Variants in ADRA1B observed in about 807,000 individuals in gnomAD.
ADRA1B encodes adrenoceptor alpha 1B.
A neutral mutation model predicts 17.9 loss-of-function variants in ADRA1B; 17 were observed. The ratio of observed to expected loss-of-function variants is 0.95; its 90% confidence interval spans 0.65 to 1.42. The LOEUF is 1.42. ADRA1B is among the 40% of genes most tolerant of loss of function. ADRA1B has a pLI of 0.00. For synonymous variants in ADRA1B, 366 were observed against 327.6 expected (o/e 1.12, Z -1.27); for missense variants, 681 against 722.1 (o/e 0.94, Z 0.65).
In ADRA1B at chr5:159,917,988, T is replaced by A. The variant is rs142824558; in HGVS notation, c.949+134T>A. ...GTGTTCGGAGATTGAATAATATTGT[T>A]TGTTCTGCAAAGGGTTTGCAGATTG... is the stretch of plus-strand genomic sequence containing the variant. On this transcript the variant is annotated intron_variant, in intron 1 of 1. Transcript: ENST00000306675. The A allele has an allele frequency of 2.6e-3, 2,226 of 858,700 alleles. 10 individuals are homozygous for A. The highest frequency in any genetic ancestry group is 3.0e-3 in the Non-Finnish European group (1,671 of 553,988). 53.2% of individuals were successfully genotyped at this position (858,700 alleles called of 1,614,324 possible). A position where few individuals can be genotyped will look rare whatever the true frequency, so the allele number is the denominator to read the frequency against.
At chr5:159,946,036 C>T (rs55730478) in intron 1 of ADRA1B, among the ~76,000 whole-genome samples, 17,506 of 152,150 alleles carry the variant, frequency 0.12, 1,270 homozygotes, top group Non-Finnish European at 0.15. Flanking sequence ...CGTGAGCCAC[C>T]GCGCCCAGCC....
At chr5:159,901,504 A>G (rs1303857762) in intron 1 of ADRA1B, among the ~76,000 whole-genome samples, 1 of 151,944 alleles carries the variant, frequency 6.6e-6, no homozygotes, top group African/African-American at 2.4e-5. Context: ...TGAACCTGTT[A>G]TAAGTTATAA....
intron 1 of ADRA1B, among the ~76,000 whole-genome samples, chr5:159,945,411 AT>A (rs767324801): frequency 2.0e-5 from 3 of 152,202 alleles, no homozygotes; most frequent in Non-Finnish European, 2.9e-5. Flanking sequence ...GCTCGTTGAG[AT>A]CATGGGCTGA....
At chr5:159,873,701 G>A (rs962192446) in intron 1 of ADRA1B, among the ~76,000 whole-genome samples, 1 of 152,144 alleles carries the variant, frequency 6.6e-6, no homozygotes. Flanking sequence ...GTGGCAACAG[G>A]AGTGAAAGCC....
At chr5:159,902,566 C>T in intron 1 of ADRA1B, among the ~76,000 whole-genome samples, 1 of 152,196 alleles carries the variant, frequency 6.6e-6, no homozygotes, top group Non-Finnish European at 1.5e-5. Context: ...GACATGCTAA[C>T]TCCTGGGGCC....
chr5:159,951,162 C>T, intron 1 of ADRA1B: 1 of 751,556 alleles, frequency 1.3e-6, no homozygotes, highest in Non-Finnish European at 2.4e-6. Flanking sequence ...GTAGCTCCTC[C>T]CTGCAAGTCA....
intron 1 of ADRA1B, among the ~76,000 whole-genome samples, chr5:159,948,951 T>C (rs906552639): frequency 1.3e-5 from 2 of 152,204 alleles, no homozygotes; most frequent in Non-Finnish European, 1.5e-5. Flanking sequence ...CTCCATTTTA[T>C]AGATGAGGGA....
At chr5:159,961,375 G>A (rs1755661787) in intron 1 of ADRA1B, among the ~76,000 whole-genome samples, 1 of 152,118 alleles carries the variant, frequency 6.6e-6, no homozygotes, top group South Asian at 2.1e-4. Flanking sequence ...ATTGTTTTCA[G>A]CATTTGTTTT....
Position 159,972,326 on chromosome 5 carries a change from G to A in ADRA1B, c.1397G>A (p.Gly466Asp), listed in dbSNP as rs548580887. ...LPAPEPPGRR[G>D]RHDSGPLFTF... Reference sequence around the variant, plus strand: ...GCGCCTGAGCCCCCCGGCCGCCGCGGCCGCCACGACTCGGGCCCGCTCTTC... The same window carrying A: ...GCGCCTGAGCCCCCCGGCCGCCGCGACCGCCACGACTCGGGCCCGCTCTTC... The change falls in exon 2 of 2, where the codon GGC (glycine) becomes GAC (aspartate). Residue 466 changes from glycine (G) to aspartate (D), a missense_variant. Coordinates refer to ENST00000306675, the MANE Select transcript of ADRA1B (RefSeq NM_000679.4). 777 of 1,438,880 alleles carry A rather than the reference G, an allele frequency of 5.4e-4. 1 individual carries two copies. Among genetic ancestry groups the A allele is most frequent in the Non-Finnish European group, 6.3e-4 (690 of 1,101,450 alleles). The allele number at this position is 1,438,880 out of a possible 1,614,324, so 89.1% of individuals were successfully genotyped here.
intron 1 of ADRA1B, among the ~76,000 whole-genome samples, chr5:159,885,367 G>A (rs1390057166): frequency 1.3e-5 from 2 of 152,074 alleles, no homozygotes; most frequent in Non-Finnish European, 2.9e-5. Flanking sequence ...CCAACTCCAG[G>A]GTGAGTTCTA....
the ADRA1B span, among the ~76,000 whole-genome samples, chr5:159,985,013 C>T: frequency 6.6e-6 from 1 of 152,162 alleles, no homozygotes; most frequent in South Asian, 2.1e-4. Flanking sequence ...CTGCCCCTCT[C>T]TGATTGCTCT....
chr5:159,971,853 C>CGGGGGGGGGGGGGGG, intron 1 of ADRA1B, 26 bp from the exon 2 acceptor site: 24 of 1,305,836 alleles, frequency 1.8e-5, no homozygotes, highest in Non-Finnish European at 2.0e-5. Flanking sequence ...TCTTTCTGCC[C>CGGGGGGGGGGGGGGG]GTGCCCACCC....
chr5:159,950,998 A>G (rs1421112625), intron 1 of ADRA1B: 6 of 649,772 alleles, frequency 9.2e-6, no homozygotes, highest in Admixed American at 5.6e-5. Context: ...CCACAATACC[A>G]AAGTTGTCAT....
At chr5:159,885,436 C>T (rs1753912943) in intron 1 of ADRA1B, among the ~76,000 whole-genome samples, 1 of 152,058 alleles carries the variant, frequency 6.6e-6, no homozygotes, top group Non-Finnish European at 1.5e-5. Context: ...CAATTCTGGC[C>T]AATGAGACAT....
At chr5:159,948,249 G>C (rs1446453915) in intron 1 of ADRA1B, 6 of 985,322 alleles carry the variant, frequency 6.1e-6, no homozygotes, top group Non-Finnish European at 6.0e-6. Flanking sequence ...TTTTGTGAAA[G>C]CTCCGCAGGT....
chr5:159,904,346 C>A, intron 1 of ADRA1B, among the ~76,000 whole-genome samples: 1 of 152,196 alleles, frequency 6.6e-6, no homozygotes, highest in East Asian at 1.9e-4. Flanking sequence ...CTAAATGCCT[C>A]TCTCCTATGA....
the ADRA1B span, among the ~76,000 whole-genome samples, chr5:159,983,343 C>A: frequency 6.6e-6 from 1 of 152,210 alleles, no homozygotes; most frequent in South Asian, 2.1e-4. Flanking sequence ...CATCCCCACC[C>A]GGAAAACTCC....
At chr5:159,869,120 TAA>T (rs1753703856) in intron 1 of ADRA1B, 1 of 152,182 alleles carries the variant, frequency 6.6e-6, no homozygotes, top group Non-Finnish European at 1.5e-5. Flanking sequence ...AACTACAAAG[TAA>T]AGAGATTATT....
intron 1 of ADRA1B, among the ~76,000 whole-genome samples, chr5:159,958,380 T>G (rs1333358207): frequency 6.6e-6 from 1 of 152,230 alleles, no homozygotes; most frequent in Non-Finnish European, 1.5e-5. Flanking sequence ...GATATTTGGT[T>G]CTCTTTATAA....
Sources: allele counts gnomAD v4.1 joint callset (sites outside exome capture counted in the v4.1 genomes callset), GRCh38; gene constraint gnomAD v4.1.1; transcripts MANE v1.5; gene names NCBI Gene and HGNC (gene_info 2026-07-23, HGNC 2026-07-21).